Variants in RFC4 observed in about 807,000 individuals in gnomAD.
The protein encoded by RFC4 is replication factor C subunit 4, also known as A1 37 kDa subunit.
A neutral mutation model predicts 47.6 loss-of-function variants in RFC4; 38 were observed. The observed-to-expected ratio is 0.80, with a 90% CI of 0.62 to 1.05. The LOEUF is 1.05. RFC4 is among the 50% of genes least tolerant of loss of function. The pLI, the probability that RFC4 is intolerant of heterozygous loss-of-function variation, is 0.00. For synonymous variants in RFC4, 164 were observed against 150.0 expected, an observed-to-expected ratio of 1.09 and a Z score of -0.68; for missense variants, 489 against 434.0, an observed-to-expected ratio of 1.13 and a Z score of -1.13.
rs982032678 is a variant in RFC4 at position 186,790,460 on chromosome 3, C to G, written c.802-54G>C. ...ATGTTTCTAGGTGAGACTAGACATA[C>G]ACTCTGCCAACTGGCCCCCGTGCCC... On this transcript the variant is annotated intron_variant, in intron 8 of 10. Transcript: ENST00000296273. 2.9e-5 allele frequency: 36 copies of G among 1,230,144 alleles called. 1 individual carries two copies. The highest frequency in any genetic ancestry group is 3.9e-4 in the Middle Eastern group (2 of 5,178). The allele number at this position is 1,230,144 out of a possible 1,614,324, so 76.2% of individuals were successfully genotyped here.
intron 8 of RFC4, 31 bp from the exon 9 acceptor site, chr3:186,790,437 G>GT (rs1722075915): frequency 6.7e-7 from 1 of 1,492,568 alleles, no homozygotes. Flanking sequence ...TATTAAAGAT[G>GT]TTTCTAGGTG....
intron 2 of RFC4, among the ~76,000 whole-genome samples, chr3:186,803,563 G>A (rs1722405082): frequency 1.3e-5 from 2 of 151,690 alleles, no homozygotes; most frequent in Non-Finnish European, 2.9e-5. Context: ...GAATGCAGTG[G>A]TGTGATCTCA....
Position 186,789,936 on chromosome 3 carries a change from ATT to A in RFC4, c.*31_*32del. On this transcript the variant is annotated 3_prime_UTR_variant, in exon 11 of 11. Coordinates refer to ENST00000296273, the MANE Select transcript of RFC4 (RefSeq NM_002916.5). ...ATTTTATTTTTATTACAACTTCATT[ATT>A]TACAAAACCCCCCATCCAGATATAT... 1 of 1,321,580 alleles carries A rather than the reference ATT, an allele frequency of 7.6e-7. No homozygotes were observed. The highest frequency in any genetic ancestry group is 1.1e-6 in the Non-Finnish European group (1 of 926,944). 81.9% of individuals were successfully genotyped at this position (1,321,580 alleles called of 1,614,324 possible).
In RFC4 at chr3:186,792,525, T is replaced by C; in HGVS notation, c.640A>G (p.Ile214Val). ...ATTTTGACATTTTCCTTCTTGGCAA[T>C]GTCTAGTAATCGCTGCTGTTGAATT... is the stretch of plus-strand genomic sequence containing the variant. ...DKIQQQRLLD[I>V]AKKENVKISD... is the part of the protein sequence containing the mutation. The change falls in exon 7 of 11, where the codon ATT becomes GTT. Residue 214 changes from isoleucine (I) to valine (V), a missense_variant. Around this residue, in one of 2 missense-constraint regions of RFC4, gnomAD observed 283 missense variants for 176.2 expected, o/e 1.61. Coordinates refer to ENST00000296273, the MANE Select transcript of RFC4 (RefSeq NM_002916.5). 6.2e-7 allele frequency: 1 copy of C among 1,613,366 alleles called. No homozygotes were observed. The highest frequency in any genetic ancestry group is 8.5e-7 in the Non-Finnish European group (1 of 1,179,324).
intron 8 of RFC4, 35 bp downstream of exon 8, chr3:186,791,690 A>G: frequency 1.2e-6 from 2 of 1,606,688 alleles, no homozygotes; most frequent in Non-Finnish European, 1.7e-6. Flanking sequence ...AAAAAAGCCA[A>G]CTAAAAAGAA....
intron 7 of RFC4, 29 bp downstream of exon 7, chr3:186,792,461 C>G: frequency 6.3e-7 from 1 of 1,588,056 alleles, no homozygotes; most frequent in Non-Finnish European, 8.6e-7. Context: ...GAATTAGTAA[C>G]TCTAATAATT....
At chr3:186,795,646 A>T (rs956976850) in intron 4 of RFC4, among the ~76,000 whole-genome samples, 1 of 152,128 alleles carries the variant, frequency 6.6e-6, no homozygotes, top group East Asian at 1.9e-4. Flanking sequence ...TACAAAAATT[A>T]GCTGGGCGTG....
chr3:186,801,138 T>C lies in RFC4; in HGVS notation c.189A>G (p.Lys63=). 1.9e-6 allele frequency: 3 copies of C among 1,614,116 alleles called. No individual in the cohort carries two copies. The highest frequency in any genetic ancestry group is 2.5e-6 in the Non-Finnish European group (3 of 1,179,976). Reference sequence around the variant, plus strand: ...TCACATCTGCTCCTTCTAAAGATTTTTTCAGCACTGCAACCACTTCTTCCT... The same window carrying C: ...TCACATCTGCTCCTTCTAAAGATTTCTTCAGCACTGCAACCACTTCTTCCT... ...AFQEEVVAVL[K]KSLEGADLPN... The change falls in exon 3 of 11, where the codon AAA becomes AAG. Residue 63 remains lysine (K), a synonymous_variant. Coordinates refer to ENST00000296273, the MANE Select transcript of RFC4 (RefSeq NM_002916.5).
At chr3:186,802,360 A>G (rs1722377093) in intron 2 of RFC4, among the ~76,000 whole-genome samples, 1 of 152,220 alleles carries the variant, frequency 6.6e-6, no homozygotes, top group African/African-American at 2.4e-5. Context: ...CCACTTTGAC[A>G]AAATAAGATC....
At position 186,791,835 on chromosome 3, in the gene RFC4, C is replaced by T; in HGVS notation, c.691G>A (p.Val231Ile). 6.2e-7 allele frequency: 1 copy of T among 1,612,288 alleles called. No homozygotes were observed. Among genetic ancestry groups the T allele is most frequent in the Non-Finnish European group, 8.5e-7 (1 of 1,178,602 alleles). ...CTTAAGTCTCCTTCTGACACTTTAA[C>T]AAGATAAGCTATTCCCTGAAGAGAA... ...KISDEGIAYL[V>I]KVSEGDLRKA... Residue 231 changes from valine (V) to isoleucine (I), a missense_variant, in exon 8 of 11, where the codon GTT becomes ATT. This residue lies in a region of RFC4 where 283 missense variants were observed against 176.2 expected (regional missense o/e 1.61). Transcript: ENST00000296273.
At chr3:186,792,975 A>G (rs764822678) in intron 5 of RFC4, 28 bp from the exon 6 acceptor site, 2 of 1,597,600 alleles carry the variant, frequency 1.3e-6, no homozygotes, top group African/African-American at 1.3e-5. Flanking sequence ...ATAAGAGTTG[A>G]ACATTAATAT....
intron 9 of RFC4, 33 bp from the exon 10 acceptor site, chr3:186,790,288 T>TG: frequency 6.2e-7 from 1 of 1,610,352 alleles, no homozygotes; most frequent in Non-Finnish European, 8.5e-7. Flanking sequence ...TATGATGACT[T>TG]AATATTCCTT....
At position 186,804,683 on chromosome 3, in the gene RFC4, T is replaced by A; in HGVS notation, c.31A>T (p.Ser11Cys). The A allele has an allele frequency of 6.2e-7, 1 of 1,613,542 alleles. No homozygotes were observed. The highest frequency in any genetic ancestry group is 8.5e-7 in the Non-Finnish European group (1 of 1,179,702). ...TCCTTGGTCAGCGGGGGTTTAGTAC[T>A]GATGGATGTACCTTTAAGAAATGCT... MQAFLKGTSI[S>C]TKPPLTKDRG... Residue 11 changes from serine (S) to cysteine (C), a missense_variant, in exon 2 of 11, where the codon AGT (serine) becomes TGT (cysteine). Around this residue, in one of 2 missense-constraint regions of RFC4, gnomAD observed 206 missense variants for 257.8 expected, o/e 0.80. Transcript: ENST00000296273.
intron 2 of RFC4, among the ~76,000 whole-genome samples, chr3:186,803,386 A>G (rs982629813): frequency 6.6e-6 from 1 of 152,144 alleles, no homozygotes; most frequent in Admixed American, 6.6e-5. Context: ...ACAAAAACAC[A>G]AAAAACATAT....
intron 3 of RFC4, among the ~76,000 whole-genome samples, chr3:186,798,534 A>G (rs149426827): frequency 2.7e-3 from 408 of 152,086 alleles, no homozygotes; most frequent in Non-Finnish European, 4.4e-3. Flanking sequence ...CCACTTAGAA[A>G]AACAAAAACA....
At position 186,794,919 on chromosome 3, in the gene RFC4, G is replaced by A. The variant is rs150339914; in HGVS notation, c.291-142C>T. 5.0e-5 allele frequency: 44 copies of A among 884,446 alleles called. 1 individual carries two copies. The highest frequency in any genetic ancestry group is 3.5e-4 in the Middle Eastern group (1 of 2,850). The allele number at this position is 884,446 out of a possible 1,614,324, so 54.8% of individuals were successfully genotyped here. A position where few individuals can be genotyped will look rare whatever the true frequency, so the allele number is the denominator to read the frequency against. On this transcript the variant is annotated intron_variant, in intron 4 of 10. Transcript: ENST00000296273. The stretch of plus-strand genomic sequence containing the variant: ...GGCACACAATCACTTTTGCATTCTC[G>A]CTTCAGCAGAGTGCTGCAGTTAACA...
At chr3:186,791,155 T>C (rs1343551657) in intron 8 of RFC4, among the ~76,000 whole-genome samples, 1 of 152,236 alleles carries the variant, frequency 6.6e-6, no homozygotes, top group Non-Finnish European at 1.5e-5. Flanking sequence ...TCTGCTAAAA[T>C]TGATTTAACT....
At chr3:186,805,637 C>A (rs1722462472) in intron 1 of RFC4, 1 of 152,082 alleles carries the variant, frequency 6.6e-6, no homozygotes, top group Non-Finnish European at 1.5e-5. Flanking sequence ...TCTCATAACA[C>A]ACTCACTTGA....
At chr3:186,790,092 T>TC (rs1196228445) in intron 10 of RFC4, 28 bp from the exon 11 acceptor site, 1 of 1,606,360 alleles carries the variant, frequency 6.2e-7, no homozygotes, top group African/African-American at 1.3e-5. Flanking sequence ...GAAATTAGCA[T>TC]CCTTCAGGTA....
Sources: allele counts gnomAD v4.1 joint callset (sites outside exome capture counted in the v4.1 genomes callset), GRCh38; gene constraint gnomAD v4.1.1; regional missense constraint gnomAD v4.1.1; transcripts MANE v1.5; gene names NCBI Gene and HGNC (gene_info 2026-07-23, HGNC 2026-07-21).